Variants in CACNA1C observed in about 807,000 individuals in gnomAD.
CACNA1C encodes the protein voltage-dependent L-type calcium channel subunit alpha-1C.
In CACNA1C, 30 loss-of-function variants were observed where a neutral mutation model predicts 229.0. The ratio of observed to expected loss-of-function variants is 0.13; its 90% confidence interval spans 0.10 to 0.18. The LOEUF is 0.18. Ranked by LOEUF, CACNA1C falls within the 10% of genes least tolerant of loss-of-function variation. The pLI is 1.00. For synonymous variants in CACNA1C, 1,114 were observed against 1,132.5 expected (o/e 0.98, Z 0.33); for missense variants, 1,658 against 2,845.0 (o/e 0.58, Z 9.49).
chr12:2,686,090 C>T, intron 44 of CACNA1C, 76 bp from the exon 45 acceptor site: 1 of 1,205,084 alleles, frequency 8.3e-7, no homozygotes, highest in Non-Finnish European at 1.2e-6. Flanking sequence ...TCCTGGCACC[C>T]CACCAGGGTG....
chr12:2,588,018 A>G (rs1235970439), intron 18 of CACNA1C, among the ~76,000 whole-genome samples: 2 of 152,050 alleles, frequency 1.3e-5, no homozygotes, highest in Non-Finnish European at 2.9e-5. Flanking sequence ...TCTGCCCCCA[A>G]AGGCTAAGTT....
In CACNA1C at chr12:2,639,192, T is replaced by A. The variant is rs2153595575; in HGVS notation, c.3912+4812T>A. On this transcript the variant is annotated intron_variant, in intron 30 of 46. Transcript: ENST00000399655. The surrounding 1 kb of genome is among the most constrained non-coding windows in gnomAD (Gnocchi z 4.2). ...TGCCAATGCATCACCTGGGTCTAAATCCGAGCTTTTCTTCCTCTGTGAGCC... is the reference window on the plus strand; with the variant it reads ...TGCCAATGCATCACCTGGGTCTAAAACCGAGCTTTTCTTCCTCTGTGAGCC... Among the ~76,000 whole-genome samples the A allele has an allele frequency of 6.6e-6, 1 of 152,322 alleles. No homozygotes were observed. Among genetic ancestry groups the A allele is most frequent in the East Asian group, 1.9e-4 (1 of 5,176 alleles).
intron 3 of CACNA1C, among the ~76,000 whole-genome samples, chr12:2,253,549 C>A (rs2076355131): frequency 6.6e-6 from 1 of 152,226 alleles, no homozygotes; most frequent in East Asian, 1.9e-4. Flanking sequence ...GTCATTGGAA[C>A]CTAAGTCCGT....
chr12:1,996,641 AAAAAAAAAAAAAAACAAC>A (rs1404670468), intron 1 of CACNA1C, among the ~76,000 whole-genome samples: 4 of 98,548 alleles, frequency 4.1e-5, no homozygotes, highest in African/African-American at 1.1e-4. Flanking sequence ...AAAAAAAAAA[AAAAAAAAAAAAAAACAAC>A]AAACTCTTCT....
Position 2,493,335 on chromosome 12 carries a change from C to T in CACNA1C, c.1062C>T (p.Leu354=). Residue 354 remains leucine, a synonymous_variant, in exon 7 of 47, where the codon CTC becomes CTT. Transcript: ENST00000399655. The surrounding 1 kb of genome is among the most constrained non-coding windows in gnomAD (Gnocchi z 4.6). ...TNFDNFAFAM[L]TVFQCITMEG... is the part of the protein sequence containing the mutation. ...TTGACAACTTTGCCTTCGCCATGCTCACGGTGTTCCAGTGCATCACCATGG... is the reference window on the plus strand; with the variant it reads ...TTGACAACTTTGCCTTCGCCATGCTTACGGTGTTCCAGTGCATCACCATGG... 2 of 1,614,172 alleles carry T rather than the reference C, an allele frequency of 1.2e-6. No homozygotes were observed. Among genetic ancestry groups the T allele is most frequent in the South Asian group, 2.2e-5 (2 of 91,086 alleles).
intron 3 of CACNA1C, among the ~76,000 whole-genome samples, chr12:2,245,289 C>T (rs1160130724): frequency 6.6e-6 from 1 of 152,168 alleles, no homozygotes; most frequent in Non-Finnish European, 1.5e-5. Flanking sequence ...TTAGCTGAGC[C>T]ATTCTCAGCT....
At chr12:2,491,417 AGAGAG>A (rs951481107) in intron 6 of CACNA1C, among the ~76,000 whole-genome samples, 1 of 151,996 alleles carries the variant, frequency 6.6e-6, no homozygotes, top group African/African-American at 2.4e-5. Flanking sequence ...TGGGAGAGAA[AGAGAG>A]GAGAGGAGAA....
At chr12:2,352,072 C>T (rs1428483239) in intron 3 of CACNA1C, among the ~76,000 whole-genome samples, 1 of 152,210 alleles carries the variant, frequency 6.6e-6, no homozygotes, top group African/African-American at 2.4e-5. Context: ...ATCACCCTGT[C>T]CCTAGAGCCA....
At chr12:2,562,326 C>A (rs2047937104) in intron 11 of CACNA1C, among the ~76,000 whole-genome samples, 1 of 152,206 alleles carries the variant, frequency 6.6e-6, no homozygotes, top group African/African-American at 2.4e-5. Flanking sequence ...AAGAAAGCAA[C>A]CTTGATTGCC....
intron 1 of CACNA1C, among the ~76,000 whole-genome samples, chr12:2,075,640 T>C (rs2062911199): frequency 6.6e-6 from 1 of 152,198 alleles, no homozygotes; most frequent in Non-Finnish European, 1.5e-5. Context: ...TAAATAGCAG[T>C]CCATAGGTTG....
rs904036056 is a variant in CACNA1C at position 2,287,296 on chromosome 12, G to T, written c.478-161680G>T. On this transcript the variant is annotated intron_variant, in intron 3 of 46. Transcript: ENST00000399655. This position sits in a 1 kb window ranked among gnomAD's most constrained non-coding sequence, Gnocchi z 4.6. ...GTATTGAGTCATTCCTGCTCGTCTG[G>T]ATTGTGATTGCGACCCGTGCCTCAT... is the stretch of plus-strand genomic sequence containing the variant. Among the ~76,000 whole-genome samples, 1 of 152,216 alleles carries T rather than the reference G, an allele frequency of 6.6e-6. No homozygotes were observed. Among genetic ancestry groups the T allele is most frequent in the South Asian group, 2.1e-4 (1 of 4,834 alleles).
At chr12:2,264,644 C>A (rs80191236) in intron 3 of CACNA1C, among the ~76,000 whole-genome samples, 12,532 of 152,228 alleles carry the variant, frequency 0.082, 831 homozygotes, top group African/African-American at 0.18. Context: ...TTTTACTGCC[C>A]GATCAGGGTT....
chr12:2,301,310 CCTT>C (rs756602272), intron 3 of CACNA1C, among the ~76,000 whole-genome samples: 22 of 152,284 alleles, frequency 1.4e-4, no homozygotes, highest in Non-Finnish European at 2.5e-4. Flanking sequence ...GTCTTAAAAA[CCTT>C]CTGATCCTGT....
intron 3 of CACNA1C, among the ~76,000 whole-genome samples, chr12:2,367,949 A>G (rs1302293132): frequency 1.3e-5 from 2 of 152,192 alleles, no homozygotes; most frequent in Non-Finnish European, 1.5e-5. Flanking sequence ...ATAATCTTAT[A>G]TATGTACACA....
chr12:2,091,045 C>T (rs1404856564), intron 1 of CACNA1C, among the ~76,000 whole-genome samples: 1 of 152,156 alleles, frequency 6.6e-6, no homozygotes, highest in Non-Finnish European at 1.5e-5. Flanking sequence ...GTCTTTTGCC[C>T]ATTTTAACAT....
At chr12:2,513,634 G>T (rs1030682632) in intron 9 of CACNA1C, among the ~76,000 whole-genome samples, 1 of 152,208 alleles carries the variant, frequency 6.6e-6, no homozygotes, top group Admixed American at 6.5e-5. Flanking sequence ...AGAAATGAAA[G>T]TGATGGATGA....
At chr12:1,981,045 A>G (rs2035979332) in intron 1 of CACNA1C, among the ~76,000 whole-genome samples, 1 of 152,098 alleles carries the variant, frequency 6.6e-6, no homozygotes, top group Non-Finnish European at 1.5e-5. Context: ...TAAAACTAAC[A>G]TTTTCCCACA....
intron 3 of CACNA1C, among the ~76,000 whole-genome samples, chr12:2,168,761 A>AT (rs1341930418): frequency 6.6e-6 from 1 of 152,140 alleles, no homozygotes; most frequent in Non-Finnish European, 1.5e-5. Flanking sequence ...CTAGGGATTC[A>AT]TTGCAAAGTG....
intron 1 of CACNA1C, among the ~76,000 whole-genome samples, chr12:2,106,789 G>A (rs1164996769): frequency 1.6e-5 from 2 of 129,018 alleles, no homozygotes; most frequent in Admixed American, 7.8e-5. Flanking sequence ...GCGTCCTGAA[G>A]CCACTGGGTG....
Sources: allele counts gnomAD v4.1 joint callset (sites outside exome capture counted in the v4.1 genomes callset), GRCh38; gene constraint gnomAD v4.1.1; non-coding constraint Gnocchi (gnomAD v3.1); transcripts MANE v1.5; gene names NCBI Gene and HGNC (gene_info 2026-07-23, HGNC 2026-07-21).